MYOM2: variants seen among roughly 807,000 people sequenced by gnomAD.
MYOM2 encodes the protein myomesin-2.
In MYOM2, 254 loss-of-function variants were observed where a neutral mutation model predicts 187.6. The ratio of observed to expected loss-of-function variants is 1.35; its 90% CI spans 1.22 to 1.50. The LOEUF (loss-of-function observed/expected upper bound fraction) is 1.50. Among genes scored for constraint, MYOM2 ranks in the 40% most tolerant of loss-of-function variants. MYOM2 has a pLI of 0.00. For synonymous variants in MYOM2, 981 were observed against 753.8 expected (o/e 1.30, Z -4.94); for missense variants, 2,796 against 1,924.0 (o/e 1.45, Z -8.48).
chr8:2,099,598 T>C (rs1691982504), intron 19 of MYOM2, among the ~76,000 whole-genome samples: 1 of 152,180 alleles, frequency 6.6e-6, no homozygotes, highest in African/African-American at 2.4e-5. Context: ...ACTGGTTTTT[T>C]GTTTTGAGAT....
intron 24 of MYOM2, 44 bp downstream of exon 24, chr8:2,108,874 C>T (rs1796978253): frequency 6.3e-7 from 1 of 1,596,816 alleles, no homozygotes; most frequent in Non-Finnish European, 8.6e-7. Context: ...CAGCTGCTGG[C>T]TGGAGGGCCG....
At chr8:2,052,984 A>C (rs1818542837) in intron 3 of MYOM2, among the ~76,000 whole-genome samples, 1 of 152,230 alleles carries the variant, frequency 6.6e-6, no homozygotes, top group Non-Finnish European at 1.5e-5. Context: ...GATGACGGAG[A>C]AACAGGTGGT....
At chr8:2,141,326 A>G (rs1346630935) in intron 34 of MYOM2, 149 bp downstream of exon 34, 3 of 605,126 alleles carry the variant, frequency 5.0e-6, no homozygotes, top group African/African-American at 3.7e-5. Flanking sequence ...GCAATGCAGT[A>G]TATGGAGGGG....
rs148672065 is a variant in MYOM2, at chr8:2,054,000, A to T, written c.263+1687A>T. Among the ~76,000 whole-genome samples, 245 of 152,264 alleles carry T rather than the reference A, an allele frequency of 1.6e-3. 1 individual carries two copies. The highest frequency in any genetic ancestry group is 5.6e-3 in the African/African-American group (232 of 41,558). The stretch of plus-strand genomic sequence containing the variant: ...GATTTATTGTGAAGCCTGCTCTATC[A>T]CCGTCATGCAGAAGGGCCCAGGAGG... On this transcript the variant is annotated intron_variant, in intron 3 of 36. Coordinates refer to ENST00000262113, the MANE Select transcript of MYOM2 (RefSeq NM_003970.4).
Position 2,098,929 on chromosome 8 carries a change from C to G in MYOM2, c.2386C>G (p.Pro796Ala). The change falls in exon 19 of 37, where the codon CCC becomes GCC. Residue 796 changes from proline to alanine, a missense_variant. Transcript: ENST00000262113. ...AAVNLAGIGE[P>A]SDPSEHFKCE... ...CGTCAACCTGGCCGGCATCGGGGAG[C>G]CCTCAGATCCCAGTGAGCACTTCAA... 1 of 1,612,954 alleles carries G rather than the reference C, an allele frequency of 6.2e-7. No individual in the cohort carries two copies.
chr8:2,070,769 A>T (rs1298279426), intron 8 of MYOM2, among the ~76,000 whole-genome samples: 1 of 152,220 alleles, frequency 6.6e-6, no homozygotes, highest in Non-Finnish European at 1.5e-5. Flanking sequence ...TTTTCGTCGA[A>T]GTCAAATTTA....
intron 16 of MYOM2, 38 bp downstream of exon 16, chr8:2,092,558 A>C (rs1234242577): frequency 6.2e-7 from 1 of 1,603,810 alleles, no homozygotes; most frequent in Non-Finnish European, 8.5e-7. Flanking sequence ...TCAGCCTTGC[A>C]GGAGTAGCAA....
Position 2,092,504 on chromosome 8 carries a change from C to A in MYOM2, c.1987C>A (p.Pro663Thr). The change falls in exon 16 of 37, where the codon CCC (proline) becomes ACC (threonine). Residue 663 changes from proline to threonine, a missense_variant. Transcript: ENST00000262113. ...CCTCTGGGAGCCCTGCAACCACAAG[C>A]CCATCGGATACAACAGGTGCGGCCT... The part of the protein sequence containing the change: ...TNLWEPCNHK[P>T]IGYNRFVVHG... The A allele has an allele frequency of 1.2e-6, 2 of 1,614,066 alleles. No individual in the cohort carries two copies. Among genetic ancestry groups the A allele is most frequent in the South Asian group, 1.1e-5 (1 of 91,076 alleles).
At chr8:2,087,138 G>C (rs1206643832) in intron 14 of MYOM2, among the ~76,000 whole-genome samples, 1 of 152,178 alleles carries the variant, frequency 6.6e-6, no homozygotes, top group Non-Finnish European at 1.5e-5. Flanking sequence ...CCCCCTGTTG[G>C]GTTGTAGGCC....
intron 21 of MYOM2, among the ~76,000 whole-genome samples, chr8:2,105,847 G>T (rs1006477255): frequency 1.3e-5 from 2 of 152,126 alleles, no homozygotes; most frequent in Admixed American, 6.5e-5. Context: ...CCGTTCTCAC[G>T]CTGGTATGAA....
At position 2,123,279 on chromosome 8, in the gene MYOM2, T is replaced by C; in HGVS notation, c.3481T>C (p.Phe1161Leu). The C allele has an allele frequency of 6.2e-7, 1 of 1,613,152 alleles. No homozygotes were observed. Among genetic ancestry groups the C allele is most frequent in the East Asian group, 2.2e-5 (1 of 44,854 alleles). ...KVANTKKETV[F>L]KWLKDDVLYE... ...TGCAAACACCAAGAAAGAAACCGTT[T>C]TCAAATGGCTCAAGGATGATGTTCT... Residue 1161 changes from phenylalanine (F) to leucine (L), a missense_variant, in exon 29 of 37, where the codon TTC (phenylalanine) becomes CTC (leucine). By Grantham distance (22) the Phe-to-Leu change is conservative (BLOSUM62 0). Coordinates refer to ENST00000262113, the MANE Select transcript of MYOM2 (RefSeq NM_003970.4).
At chr8:2,116,336 T>C (rs1306474512) in intron 27 of MYOM2, 61 bp downstream of exon 27, 1 of 1,489,888 alleles carries the variant, frequency 6.7e-7, no homozygotes, top group Non-Finnish European at 9.2e-7. Flanking sequence ...ATGATTGGAG[T>C]ATTTGTCAGA....
At chr8:2,143,325 C>T in intron 35 of MYOM2, 76 bp from the exon 36 acceptor site, 3 of 1,548,384 alleles carry the variant, frequency 1.9e-6, no homozygotes, top group Non-Finnish European at 2.7e-6. Context: ...TTGGTACCCA[C>T]TGCTGCTTAC....
chr8:2,045,830 G>A (rs1389288139), intron 1 of MYOM2, among the ~76,000 whole-genome samples: 3 of 152,238 alleles, frequency 2.0e-5, no homozygotes. Context: ...GCAACCTGCT[G>A]GAGAAAGACA....
chr8:2,132,977 G>A (rs768768888), intron 32 of MYOM2, among the ~76,000 whole-genome samples: 4 of 152,168 alleles, frequency 2.6e-5, no homozygotes, highest in Non-Finnish European at 5.9e-5. Flanking sequence ...GGGCTGGGGC[G>A]GTGACGGGAC....
chr8:2,085,363 G>C lies in MYOM2; in HGVS notation c.1617G>C (p.Lys539Asn), dbSNP rs137923713. ...GGGAGCCACCCACTCCCCGTGGCAA[G>C]GACCCGCTCATGTACTTCATTGAGA... ...LSWEPPTPRG[K>N]DPLMYFIEKS... The change falls in exon 14 of 37, where the codon AAG (lysine) becomes AAC (asparagine). Residue 539 changes from lysine (K) to asparagine (N), a missense_variant. Physicochemically the swap from Lys to Asn is moderately conservative, Grantham distance 94. Coordinates refer to ENST00000262113, the MANE Select transcript of MYOM2 (RefSeq NM_003970.4). The C allele has an allele frequency of 2.9e-3, 4,669 of 1,614,066 alleles. 18 individuals are homozygous for C. Among genetic ancestry groups the C allele is most frequent in the Middle Eastern group, 0.013 (80 of 6,062 alleles).
At chr8:2,057,196 C>T in intron 3 of MYOM2, 152 bp from the exon 4 acceptor site, 2 of 836,476 alleles carry the variant, frequency 2.4e-6, no homozygotes, top group South Asian at 2.1e-5. Context: ...AAGATAGATT[C>T]AAATGAGCAG....
intron 12 of MYOM2, 112 bp downstream of exon 12, chr8:2,079,045 T>A: frequency 2.0e-6 from 2 of 1,009,612 alleles, no homozygotes; most frequent in Non-Finnish European, 3.0e-6. Flanking sequence ...GAATGCCCTG[T>A]GTGCAGAGCA....
chr8:2,103,943 T>C (rs961105001), intron 21 of MYOM2, among the ~76,000 whole-genome samples: 6 of 152,170 alleles, frequency 3.9e-5, no homozygotes, highest in Non-Finnish European at 8.8e-5. Flanking sequence ...AATGAACGGA[T>C]GTCTTGCCGT....
Sources: allele counts gnomAD v4.1 joint callset (sites outside exome capture counted in the v4.1 genomes callset), GRCh38; gene constraint gnomAD v4.1.1; transcripts MANE v1.5; gene names NCBI Gene and HGNC (gene_info 2026-07-23, HGNC 2026-07-21).